Variants in FGGY observed in about 807,000 individuals in gnomAD.
The protein encoded by FGGY is FGGY carbohydrate kinase domain-containing protein.
Under a neutral mutation model 71.3 loss-of-function variants are expected in FGGY, and 72 were observed. The ratio of observed to expected loss-of-function variants is 1.01; its 90% confidence interval spans 0.84 to 1.23. The LOEUF is 1.23. Ranked by LOEUF, FGGY falls within the 50% of genes most tolerant of loss-of-function variation. The pLI, the probability that FGGY is intolerant of heterozygous loss-of-function variation, is 0.00. For synonymous variants in FGGY, 251 were observed against 250.3 expected (o/e 1.00, Z -0.02); for missense variants, 668 against 682.3 (o/e 0.98, Z 0.23).
At chr1:59,337,822 CT>C (rs941783954) in intron 2 of FGGY, among the ~76,000 whole-genome samples, 4 of 152,116 alleles carry the variant, frequency 2.6e-5, no homozygotes, top group African/African-American at 9.7e-5. Flanking sequence ...GACACTTTAA[CT>C]TCTTTTCTAA....
chr1:59,479,733 G>T (rs1339098624), intron 6 of FGGY, among the ~76,000 whole-genome samples: 1 of 152,146 alleles, frequency 6.6e-6, no homozygotes, highest in Admixed American at 6.5e-5. Flanking sequence ...GGGAAAAGAT[G>T]ATTAGAGAAA....
intron 3 of FGGY, among the ~76,000 whole-genome samples, chr1:59,343,213 A>G (rs961505088): frequency 6.6e-6 from 1 of 152,198 alleles, no homozygotes; most frequent in African/African-American, 2.4e-5. Context: ...CTGTGAACAT[A>G]AACATGTATT....
rs766662467 is a variant in FGGY at position 59,674,148 on chromosome 1, G to A, written c.1512+15G>A. On this transcript the variant is annotated intron_variant, in intron 14 of 15. Transcript: ENST00000303721. ...CTTCTGTACAGGTATGTGAAGACCA[G>A]GGGGTGGGCTGTGGCTCCTCCCCTG... 5.0e-6 allele frequency: 8 copies of A among 1,608,776 alleles called. No homozygotes were observed. The highest frequency in any genetic ancestry group is 6.8e-6 in the Non-Finnish European group (8 of 1,176,294).
chr1:59,316,360 T>C (rs2045457463), intron 1 of FGGY: 1 of 152,128 alleles, frequency 6.6e-6, no homozygotes, highest in Non-Finnish European at 1.5e-5. Flanking sequence ...GAGATTGTCA[T>C]CATAGGCAGC....
At chr1:59,421,993 T>C (rs986883666) in intron 5 of FGGY, among the ~76,000 whole-genome samples, 5 of 152,210 alleles carry the variant, frequency 3.3e-5, no homozygotes, top group Non-Finnish European at 7.3e-5. Flanking sequence ...AGCCCTTGGC[T>C]TTGAGAGTGT....
intron 1 of FGGY, among the ~76,000 whole-genome samples, chr1:59,307,084 G>C (rs145763169): frequency 6.6e-6 from 1 of 152,236 alleles, no homozygotes; most frequent in East Asian, 1.9e-4. Flanking sequence ...GGAGGCCGAG[G>C]TGGGAGGATA....
intron 5 of FGGY, among the ~76,000 whole-genome samples, chr1:59,434,866 A>C (rs909264944): frequency 6.6e-6 from 1 of 152,180 alleles, no homozygotes; most frequent in Non-Finnish European, 1.5e-5. Context: ...CACACTGTCT[A>C]TATTGCCAAC....
intron 8 of FGGY, among the ~76,000 whole-genome samples, chr1:59,604,560 G>A (rs1331072418): frequency 6.6e-6 from 1 of 152,234 alleles, no homozygotes; most frequent in African/African-American, 2.4e-5. Context: ...ATGAAGTCTT[G>A]CTGCAGCTGA....
chr1:59,701,432 T>C (rs2097708731), intron 14 of FGGY, among the ~76,000 whole-genome samples: 1 of 152,214 alleles, frequency 6.6e-6, no homozygotes, highest in Non-Finnish European at 1.5e-5. Flanking sequence ...TGCATTCATT[T>C]TATCAGTAAA....
At chr1:59,737,915 C>T (rs762898556) in intron 14 of FGGY, among the ~76,000 whole-genome samples, 15 of 152,060 alleles carry the variant, frequency 9.9e-5, no homozygotes, top group Admixed American at 7.2e-4. Context: ...TCCTCCATGT[C>T]GTGGGAGGGA....
At chr1:59,440,008 C>T (rs1221952175) in intron 5 of FGGY, among the ~76,000 whole-genome samples, 1 of 151,262 alleles carries the variant, frequency 6.6e-6, no homozygotes, top group Non-Finnish European at 1.5e-5. Flanking sequence ...CTTTTAAAGC[C>T]TGCCATCAAC....
chr1:59,468,695 AC>A (rs766495942), intron 6 of FGGY, among the ~76,000 whole-genome samples: 3 of 151,848 alleles, frequency 2.0e-5, no homozygotes, highest in Non-Finnish European at 2.9e-5. Context: ...ACATGGTGAA[AC>A]CCTGTCTTTA....
intron 14 of FGGY, among the ~76,000 whole-genome samples, chr1:59,735,766 G>A (rs1367815446): frequency 6.6e-6 from 1 of 152,180 alleles, no homozygotes; most frequent in South Asian, 2.1e-4. Flanking sequence ...AGTCTCAACT[G>A]TACTATAGAA....
At chr1:59,516,612 C>T (rs1443764198) in intron 7 of FGGY, among the ~76,000 whole-genome samples, 2 of 152,172 alleles carry the variant, frequency 1.3e-5, no homozygotes, top group African/African-American at 4.8e-5. Flanking sequence ...ATGCAGGATT[C>T]ACTACTTTGT....
At chr1:59,563,306 AG>A (rs762475325) in intron 8 of FGGY, among the ~76,000 whole-genome samples, 2 of 152,180 alleles carry the variant, frequency 1.3e-5, no homozygotes, top group Admixed American at 6.5e-5. Flanking sequence ...TTTAGCATGA[AG>A]GGGTGTTGAA....
At chr1:59,458,049 A>T (rs1011719988) in intron 6 of FGGY, among the ~76,000 whole-genome samples, 1 of 152,262 alleles carries the variant, frequency 6.6e-6, no homozygotes, top group African/African-American at 2.4e-5. Flanking sequence ...TGGAATCAAT[A>T]AATGGTAAGT....
intron 6 of FGGY, among the ~76,000 whole-genome samples, chr1:59,478,725 A>G (rs1296790188): frequency 6.6e-6 from 1 of 152,234 alleles, no homozygotes; most frequent in African/African-American, 2.4e-5. Context: ...TCATAAGTGT[A>G]GATGATATTT....
intron 14 of FGGY, chr1:59,755,157 C>T: frequency 6.6e-6 from 1 of 152,200 alleles, no homozygotes; most frequent in East Asian, 1.9e-4. Flanking sequence ...TTAATGGGTC[C>T]TCAGGCACCC....
Position 59,663,122 on chromosome 1 carries a change from G to A in FGGY, c.1296+2829G>A, listed in dbSNP as rs374571838. 1.3e-4 allele frequency among the ~76,000 whole-genome samples: 20 copies of A among 152,296 alleles called. No individual in the cohort carries two copies. The East Asian group carries it at 2.5e-3, about 19-fold the overall frequency. Reference sequence around the variant, plus strand: ...TTCGTCAGACACGACTGTGTGCCAGGCACCAAAGACGGTGCCTTGCCTACT... The same window carrying A: ...TTCGTCAGACACGACTGTGTGCCAGACACCAAAGACGGTGCCTTGCCTACT... On this transcript the variant is annotated intron_variant, in intron 12 of 15. Transcript: ENST00000303721.
Sources: allele counts gnomAD v4.1 joint callset (sites outside exome capture counted in the v4.1 genomes callset), GRCh38; gene constraint gnomAD v4.1.1; transcripts MANE v1.5; gene names NCBI Gene and HGNC (gene_info 2026-07-23, HGNC 2026-07-21).